PPARA: variants seen among roughly 807,000 people sequenced by gnomAD.
PPARA encodes the protein peroxisome proliferator-activated receptor alpha.
A neutral mutation model predicts 42.2 loss-of-function variants in PPARA; 22 were observed. The ratio of observed to expected loss-of-function variants is 0.52; its 90% CI spans 0.37 to 0.74. The LOEUF (loss-of-function observed/expected upper bound fraction) is 0.74. Ranked by LOEUF, PPARA falls within the 30% of genes least tolerant of loss-of-function variation. The probability of loss-of-function intolerance (pLI) is 0.00; values close to 1 mark genes in which losing one functional copy is unlikely to be tolerated. For missense variants in PPARA, 465 were observed against 608.2 expected (o/e 0.76, Z 2.48); for synonymous variants, 242 against 239.3 (o/e 1.01, Z -0.10).
Position 46,180,565 on chromosome 22 carries a change from GA to G in PPARA, c.-43+3730del, listed in dbSNP as rs990968485. Among the ~76,000 whole-genome samples, 1 of 152,198 alleles carries G rather than the reference GA, an allele frequency of 6.6e-6. No homozygotes were observed. The highest frequency in any genetic ancestry group is 2.4e-5 in the African/African-American group (1 of 41,442). The stretch of plus-strand genomic sequence containing the variant: ...AAGCTGCAAAACATGTTTTTCTTAA[GA>G]TGTAAGGCATGTCACAAGAATATCA... On this transcript the variant is annotated intron_variant, in intron 3 of 8. Transcript: ENST00000407236. This position sits in a 1 kb window ranked among gnomAD's most constrained non-coding sequence, Gnocchi z 4.2.
At chr22:46,168,176 C>A (rs1927374076) in intron 2 of PPARA, among the ~76,000 whole-genome samples, 1 of 151,328 alleles carries the variant, frequency 6.6e-6, no homozygotes, top group East Asian at 1.9e-4. Context: ...CACGGTGAAA[C>A]CCCATCTCTA....
chr22:46,180,999 GCAGGGGC>G lies in PPARA; in HGVS notation c.-43+4164_-43+4170del. Among the ~76,000 whole-genome samples, 1 of 152,182 alleles carries G rather than the reference GCAGGGGC, an allele frequency of 6.6e-6. No individual in the cohort carries two copies. The highest frequency in any genetic ancestry group is 2.4e-5 in the African/African-American group (1 of 41,424). On this transcript the variant is annotated intron_variant, in intron 3 of 8. Coordinates refer to ENST00000407236, the MANE Select transcript of PPARA (RefSeq NM_005036.6). The surrounding 1 kb of genome is among the most constrained non-coding windows in gnomAD (Gnocchi z 4.2). ...ATAAAGGGGTTGCAGGACGGTTCCA[GCAGGGGC>G]TGGGGATGGTGAGAGTAGCTCACTG... is the stretch of plus-strand genomic sequence containing the variant.
rs1346521640 is a variant in PPARA at position 46,211,695 on chromosome 22, T to C, written c.209-3478T>C. ...CTACATTTTCCTTCTCTCTCTTTCTTGCTTTCTCGCCTTCTTGTCTTGCTC... is the reference window on the plus strand; with the variant it reads ...CTACATTTTCCTTCTCTCTCTTTCTCGCTTTCTCGCCTTCTTGTCTTGCTC... On this transcript the variant is annotated intron_variant, in intron 4 of 8. Coordinates refer to ENST00000407236, the MANE Select transcript of PPARA (RefSeq NM_005036.6). The surrounding 1 kb of genome is among the most constrained non-coding windows in gnomAD (Gnocchi z 4.1). Among the ~76,000 whole-genome samples, 1 of 152,186 alleles carries C rather than the reference T, an allele frequency of 6.6e-6. No individual in the cohort carries two copies. The highest frequency in any genetic ancestry group is 1.5e-5 in the Non-Finnish European group (1 of 68,042).
chr22:46,207,337 G>A (rs1391504218), intron 4 of PPARA, among the ~76,000 whole-genome samples: 15 of 144,026 alleles, frequency 1.0e-4, no homozygotes, highest in East Asian at 4.2e-4. Context: ...GCTGGAGGGC[G>A]GTGGTGCCAT....
In PPARA at chr22:46,219,980, G is replaced by A. The variant is rs1475104802; in HGVS notation, c.677G>A (p.Arg226Gln). The change falls in exon 7 of 9, where the codon CGG becomes CAG. Residue 226 changes from arginine to glutamine, a missense_variant. Arg to Gln is a conservative substitution (Grantham distance 43). Around this residue, in one of 2 missense-constraint regions of PPARA, gnomAD observed 313 missense variants for 469.1 expected, o/e 0.67. Transcript: ENST00000407236. The surrounding 1 kb of genome is among the most constrained non-coding windows in gnomAD (Gnocchi z 4.8). ...KNFNMNKVKARVILSGKASNN... is the reference protein window; with the variant it reads ...KNFNMNKVKAQVILSGKASNN... ...TTCAACATGAACAAGGTCAAAGCCC[G>A]GGTCATCCTCTCAGGAAAGGCCAGT... 5.0e-6 allele frequency: 8 copies of A among 1,614,140 alleles called. No homozygotes were observed. Among genetic ancestry groups the A allele is most frequent in the East Asian group, 2.2e-5 (1 of 44,880 alleles).
intron 4 of PPARA, among the ~76,000 whole-genome samples, chr22:46,210,891 C>A (rs1189096861): frequency 1.3e-5 from 2 of 152,172 alleles, no homozygotes; most frequent in Non-Finnish European, 2.9e-5. Flanking sequence ...TTCTCAGCTT[C>A]ATTAGATGGG....
intron 2 of PPARA, chr22:46,175,839 T>G (rs1230410857): frequency 6.6e-6 from 1 of 152,238 alleles, no homozygotes; most frequent in East Asian, 1.9e-4. Flanking sequence ...TTTTTATTGC[T>G]GAGTAATTTC....
chr22:46,192,519 A>T lies in PPARA; in HGVS notation c.-42-5823A>T, dbSNP rs1222265614. ...TGTTTTTAAGTGTTCTACAATTTTC[A>T]TATACTCTGTTTCATCGTTCTCAAA... On this transcript the variant is annotated intron_variant, in intron 3 of 8. Transcript: ENST00000407236. The surrounding 1 kb of genome is among the most constrained non-coding windows in gnomAD (Gnocchi z 4.3). 2.0e-5 allele frequency among the ~76,000 whole-genome samples: 3 copies of T among 152,124 alleles called. No individual in the cohort carries two copies. Among genetic ancestry groups the T allele is most frequent in the Admixed American group, 6.5e-5 (1 of 15,270 alleles).
rs1340497138 is a variant in PPARA at position 46,160,731 on chromosome 22, G to T, written c.-127+8761G>T. Reference sequence around the variant, plus strand: ...TCCTCCCTCCTCAGCCTCCTGAGCAGCTGGGACTACAGGTGCACACCACCA... The same window carrying T: ...TCCTCCCTCCTCAGCCTCCTGAGCATCTGGGACTACAGGTGCACACCACCA... On this transcript the variant is annotated intron_variant, in intron 2 of 8. Coordinates refer to ENST00000407236, the MANE Select transcript of PPARA (RefSeq NM_005036.6). This position sits in a 1 kb window ranked among gnomAD's most constrained non-coding sequence, Gnocchi z 4.5. 6.6e-6 allele frequency among the ~76,000 whole-genome samples: 1 copy of T among 152,210 alleles called. No homozygotes were observed. The highest frequency in any genetic ancestry group is 2.4e-5 in the African/African-American group (1 of 41,466).
At chr22:46,185,395 A>G (rs902474539) in intron 3 of PPARA, among the ~76,000 whole-genome samples, 2 of 152,142 alleles carry the variant, frequency 1.3e-5, no homozygotes, top group African/African-American at 4.8e-5. Context: ...ATTTCTCATA[A>G]CTTTCTAGAG....
chr22:46,177,244 G>GT, intron 3 of PPARA, among the ~76,000 whole-genome samples: 1 of 151,006 alleles, frequency 6.6e-6, no homozygotes, highest in East Asian at 1.9e-4. Context: ...AAAATAATCT[G>GT]TTTAATAGCC....
intron 3 of PPARA, among the ~76,000 whole-genome samples, chr22:46,185,476 G>A (rs1460108074): frequency 6.6e-6 from 1 of 152,118 alleles, no homozygotes; most frequent in African/African-American, 2.4e-5. Context: ...CTCTTTTGCT[G>A]CTGCTTTTCA....
chr22:46,177,624 C>G lies in PPARA; in HGVS notation c.-43+788C>G, dbSNP rs564918762. On this transcript the variant is annotated intron_variant, in intron 3 of 8. Transcript: ENST00000407236. ...GAGAGAGGTATATCAGAATCTTGGG[C>G]ATAAACTAAGGAGCCATGTCAGAAC... 2.4e-3 allele frequency among the ~76,000 whole-genome samples: 368 copies of G among 152,216 alleles called. 1 individual carries two copies. Among genetic ancestry groups the G allele is most frequent in the African/African-American group, 8.3e-3 (345 of 41,542 alleles).
chr22:46,225,527 A>C lies in PPARA; in HGVS notation c.711+5513A>C, dbSNP rs1327401305. ...AATGCACGCACATACCCACACTCAC[A>C]CATCCGTGCACACACGGGTACACAC... On this transcript the variant is annotated intron_variant, in intron 7 of 8. Transcript: ENST00000407236. This position sits in a 1 kb window ranked among gnomAD's most constrained non-coding sequence, Gnocchi z 4.1. Among the ~76,000 whole-genome samples, 1 of 152,132 alleles carries C rather than the reference A, an allele frequency of 6.6e-6. No homozygotes were observed. The highest frequency in any genetic ancestry group is 6.5e-5 in the Admixed American group (1 of 15,272).
chr22:46,236,404 C>T lies in PPARA; in HGVS notation c.*1024C>T, dbSNP rs1323149614. Reference sequence around the variant, plus strand: ...CCCAGAAAACAGAGTCTCAAGACCCCCGCTCTGGACTGTCATAAGCTAGCA... The same window carrying T: ...CCCAGAAAACAGAGTCTCAAGACCCTCGCTCTGGACTGTCATAAGCTAGCA... On this transcript the variant is annotated 3_prime_UTR_variant, in exon 9 of 9. Transcript: ENST00000407236. The surrounding 1 kb of genome is among the most constrained non-coding windows in gnomAD (Gnocchi z 5.2). 6.6e-6 allele frequency: 1 copy of T among 152,646 alleles called. No homozygotes were observed. The highest frequency in any genetic ancestry group is 1.9e-4 in the East Asian group (1 of 5,198). 9.5% of individuals were successfully genotyped at this position (152,646 alleles called of 1,614,324 possible). A position where few individuals can be genotyped will look rare whatever the true frequency, so the allele number is the denominator to read the frequency against.
chr22:46,160,017 A>G lies in PPARA; in HGVS notation c.-127+8047A>G, dbSNP rs1283237549. 1.3e-5 allele frequency among the ~76,000 whole-genome samples: 2 copies of G among 151,860 alleles called. No individual in the cohort carries two copies. The highest frequency in any genetic ancestry group is 2.4e-5 in the African/African-American group (1 of 41,338). ...ATTCCGATCACAAGCTGTGACTGGA[A>G]GACGCCGACCACCACTGCAGCAGCC... On this transcript the variant is annotated intron_variant, in intron 2 of 8. Coordinates refer to ENST00000407236, the MANE Select transcript of PPARA (RefSeq NM_005036.6). This position sits in a 1 kb window ranked among gnomAD's most constrained non-coding sequence, Gnocchi z 4.5.
chr22:46,181,881 G>T (rs1163254640), intron 3 of PPARA, among the ~76,000 whole-genome samples: 2 of 152,210 alleles, frequency 1.3e-5, no homozygotes, highest in Non-Finnish European at 2.9e-5. Flanking sequence ...GACACCTCAG[G>T]TGGAAAGAAA....
chr22:46,209,072 A>T (rs1270924232), intron 4 of PPARA, among the ~76,000 whole-genome samples: 1 of 152,240 alleles, frequency 6.6e-6, no homozygotes, highest in Non-Finnish European at 1.5e-5. Flanking sequence ...CTTTGGATAT[A>T]AACCCAGAAG....
chr22:46,172,336 A>C lies in PPARA; in HGVS notation c.-126-4417A>C, dbSNP rs973729420. Among the ~76,000 whole-genome samples the C allele has an allele frequency of 3.1e-4, 47 of 151,892 alleles. 2 individuals are homozygous for C. The highest frequency in any genetic ancestry group is 3.0e-3 in the Admixed American group (45 of 15,232). ...AAGTAATTAAAAAAAAAAAAAAAAA[A>C]AAAACAGCATTGGGCCGGGCAGTGG... On this transcript the variant is annotated intron_variant, in intron 2 of 8. Transcript: ENST00000407236.
Sources: allele counts gnomAD v4.1 joint callset (sites outside exome capture counted in the v4.1 genomes callset), GRCh38; gene constraint gnomAD v4.1.1; regional missense constraint gnomAD v4.1.1; non-coding constraint Gnocchi (gnomAD v3.1); transcripts MANE v1.5; gene names NCBI Gene and HGNC (gene_info 2026-07-23, HGNC 2026-07-21).